SHANK2: variants seen among roughly 807,000 people sequenced by gnomAD.
SHANK2 encodes SH3 and multiple ankyrin repeat domains 2, also known as SH3 and multiple ankyrin repeat domains protein 2.
A neutral mutation model predicts 133.7 loss-of-function variants in SHANK2; 43 were observed. The observed-to-expected ratio is 0.32, with a 90% CI of 0.25 to 0.41. The LOEUF is 0.41. Ranked by LOEUF, SHANK2 falls within the 10% of genes least tolerant of loss-of-function variation. The probability of loss-of-function intolerance (pLI) is 1.00; values close to 1 mark genes in which losing one functional copy is unlikely to be tolerated. For synonymous variants in SHANK2, 1,017 were observed against 952.8 expected (o/e 1.07, Z -1.24); for missense variants, 1,994 against 2,235.8 (o/e 0.89, Z 2.18).
intron 10 of SHANK2, among the ~76,000 whole-genome samples, chr11:70,939,061 CA>C (rs35401655): frequency 0.39 from 59,419 of 151,880 alleles, 13,504 homozygotes; most frequent in Admixed American, 0.51. Flanking sequence ...AAAGACCTTC[CA>C]AAGGGAGATG....
chr11:70,815,175 A>AACACACACACACACAC (rs61610592), intron 12 of SHANK2, among the ~76,000 whole-genome samples: 6 of 119,646 alleles, frequency 5.0e-5, no homozygotes, highest in East Asian at 2.7e-4. Flanking sequence ...TGGGAGAAGA[A>AACACACACACACACAC]ACACACACAC....
chr11:70,765,835 A>G (rs545644773), intron 14 of SHANK2, among the ~76,000 whole-genome samples: 4 of 150,418 alleles, frequency 2.7e-5, no homozygotes, highest in Admixed American at 2.0e-4. Flanking sequence ...GCTTCCCAAC[A>G]CTTTTCTTGA....
Position 70,548,111 on chromosome 11 carries a change from C to T in SHANK2, c.2062-45180G>A, listed in dbSNP as rs920799079. On this transcript the variant is annotated intron_variant, in intron 17 of 25. Transcript: ENST00000601538. ...AGATGTGGGAGCCACTGCCCTCTCA[C>T]TCCGCCTTCCTTCCCAAGGATGGCC... 3.9e-4 allele frequency among the ~76,000 whole-genome samples: 59 copies of T among 152,382 alleles called. 1 individual carries two copies. Among genetic ancestry groups the T allele is most frequent in the Non-Finnish European group, 6.0e-4 (41 of 68,042 alleles).
chr11:71,077,116 G>A (rs1177261247), intron 8 of SHANK2, among the ~76,000 whole-genome samples: 2 of 152,096 alleles, frequency 1.3e-5, no homozygotes, highest in African/African-American at 4.8e-5. Flanking sequence ...ATAACAATGA[G>A]GCATAACTCC....
In SHANK2 at chr11:70,486,752, C is replaced by T. The variant is rs1555153851; in HGVS notation, c.3541G>A (p.Gly1181Arg). Residue 1181 changes from glycine to arginine, a missense_variant, in exon 25 of 26, where the codon GGG becomes AGG. Transcript: ENST00000601538. The surrounding 1 kb of genome is among the most constrained non-coding windows in gnomAD (Gnocchi z 8.0). ...GGCACTGCTGGGCTGCTCTCGGGCC[C>T]CTGGGCTTTGGACGTGGAATTCAGC... ...RPLNSTSKAQ[G>R]PESSPAVPSA... 1 of 1,610,978 alleles carries T rather than the reference C, an allele frequency of 6.2e-7. No homozygotes were observed. The highest frequency in any genetic ancestry group is 1.7e-5 in the Admixed American group (1 of 60,016).
chr11:71,141,891 G>A (rs1952560616), intron 3 of SHANK2, among the ~76,000 whole-genome samples: 1 of 151,810 alleles, frequency 6.6e-6, no homozygotes, highest in Admixed American at 6.6e-5. Flanking sequence ...GAAATGTCAG[G>A]GAAGCCACAG....
intron 4 of SHANK2, among the ~76,000 whole-genome samples, chr11:71,117,319 C>T (rs1353131838): frequency 2.0e-5 from 3 of 152,194 alleles, no homozygotes; most frequent in Non-Finnish European, 4.4e-5. Flanking sequence ...CTCACCCAGC[C>T]AGTTATTTCT....
chr11:71,068,199 T>C (rs1357042979), intron 9 of SHANK2, among the ~76,000 whole-genome samples: 2 of 151,938 alleles, frequency 1.3e-5, no homozygotes, highest in African/African-American at 4.8e-5. Flanking sequence ...AATCTACAAG[T>C]AGAAAGAGGA....
chr11:70,797,830 CAT>C (rs1313091529), intron 14 of SHANK2, among the ~76,000 whole-genome samples: 9 of 102,928 alleles, frequency 8.7e-5, no homozygotes, highest in Non-Finnish European at 1.4e-4. Flanking sequence ...CCTCCACTCT[CAT>C]ACACACACAC....
Position 71,075,257 on chromosome 11 carries a change from C to T in SHANK2, c.931G>A (p.Val311Met), listed in dbSNP as rs1051131858. Reference protein sequence around the residue: ...EIHQACRYGHVQHLEHLLFYG... With the variant: ...EIHQACRYGHMQHLEHLLFYG... ...AACAGCAGGTGCTCCAGGTGCTGCA[C>T]GTGCCCGTACCTGCAGGCCTGAAAC... The change falls in exon 9 of 26, where the codon GTG becomes ATG. Residue 311 changes from valine (V) to methionine (M), a missense_variant. Val to Met is a conservative substitution (Grantham distance 21). This residue lies in a region of SHANK2 where 653 missense variants were observed against 563.4 expected (regional missense o/e 1.16). Coordinates refer to ENST00000601538, the MANE Select transcript of SHANK2 (RefSeq NM_012309.5). 22 of 238,886 alleles carry T rather than the reference C, an allele frequency of 9.2e-5. No homozygotes were observed. Among genetic ancestry groups the T allele is most frequent in the East Asian group, 7.5e-4 (8 of 10,726 alleles). 14.8% of individuals were successfully genotyped at this position (238,886 alleles called of 1,614,324 possible).
At position 70,630,186 on chromosome 11, in the gene SHANK2, A is replaced by G. The variant is rs141170088; in HGVS notation, c.2061+29642T>C. On this transcript the variant is annotated intron_variant, in intron 17 of 25. Transcript: ENST00000601538. ...CTGCAGAGCCCACGCTTAGAGCAAG[A>G]GAAAGGTCAGCCATCCTGCTGGGCT... 6.3e-3 allele frequency among the ~76,000 whole-genome samples: 965 copies of G among 152,318 alleles called. 9 individuals carry two copies. The highest frequency in any genetic ancestry group is 0.022 in the African/African-American group (901 of 41,562).
chr11:70,949,307 C>T (rs1464691156), intron 10 of SHANK2, among the ~76,000 whole-genome samples: 4 of 152,204 alleles, frequency 2.6e-5, no homozygotes, highest in Non-Finnish European at 5.9e-5. Context: ...GCGAAGAACC[C>T]TGTGCACAGC....
chr11:70,785,585 T>C (rs1410348923), intron 14 of SHANK2, among the ~76,000 whole-genome samples: 1 of 152,220 alleles, frequency 6.6e-6, no homozygotes, highest in African/African-American at 2.4e-5. Context: ...CCACTACCTC[T>C]GTCTCTCCAG....
intron 17 of SHANK2, among the ~76,000 whole-genome samples, chr11:70,568,450 G>A (rs782789610): frequency 5.9e-5 from 9 of 152,274 alleles, no homozygotes; most frequent in Non-Finnish European, 1.0e-4. Context: ...AAGCGAGTCT[G>A]AAGAACTCAT....
In SHANK2 at chr11:70,883,429, A is replaced by C. The variant is rs376629333; in HGVS notation, c.1174+13072T>G. On this transcript the variant is annotated intron_variant, in intron 11 of 25. Transcript: ENST00000601538. ...GTAGGAAACCAACAGCCAAAAGTCC[A>C]GCTCCTCAGCTATGGCACAAAGTCC... Among the ~76,000 whole-genome samples the C allele has an allele frequency of 9.8e-5, 15 of 152,290 alleles. No homozygotes were observed. In the East Asian group the frequency reaches 1.4e-3, roughly 14 times the overall value.
chr11:70,613,760 C>CTTATT (rs1443708855), intron 17 of SHANK2, among the ~76,000 whole-genome samples: 1 of 20,394 alleles, frequency 4.9e-5, no homozygotes, highest in East Asian at 1.7e-3. Context: ...AAGAGGGGAA[C>CTTATT]TTGTTTTTTT....
chr11:70,856,180 GGATGAATGAATA>G (rs1330911962), intron 11 of SHANK2, among the ~76,000 whole-genome samples: 1 of 151,650 alleles, frequency 6.6e-6, no homozygotes, highest in Admixed American at 6.6e-5. Flanking sequence ...TGGGATGGAT[GGATGAATGAATA>G]GATGAATGAA....
chr11:70,812,979 C>T (rs1195386250), intron 12 of SHANK2, among the ~76,000 whole-genome samples: 12 of 151,870 alleles, frequency 7.9e-5, no homozygotes, highest in African/African-American at 2.7e-4. Flanking sequence ...AGGAACTGGC[C>T]GACATACTGA....
intron 20 of SHANK2, among the ~76,000 whole-genome samples, chr11:70,501,212 G>A (rs1407574397): frequency 1.3e-5 from 2 of 152,238 alleles, no homozygotes; most frequent in Non-Finnish European, 2.9e-5. Context: ...CCCATCCTCA[G>A]ACTCTAGCCC....
Sources: gnomAD v4.1 joint callset for allele counts (sites outside exome capture counted in the v4.1 genomes callset) on GRCh38, gnomAD v4.1.1 for gene constraint, gnomAD v4.1.1 regional missense constraint, Gnocchi (gnomAD v3.1) non-coding constraint, MANE v1.5 for transcripts, NCBI Gene and HGNC (gene_info 2026-07-23, HGNC 2026-07-21) for gene names.